DNAJC5: variants seen among roughly 807,000 people sequenced by gnomAD.
The protein encoded by DNAJC5 is dnaJ homolog subfamily C member 5.
In DNAJC5, 1 loss-of-function variant was observed where a neutral mutation model predicts 23.2. That is an observed-to-expected ratio of 0.04 (90% CI 0.02 to 0.20). DNAJC5 has a LOEUF of 0.20. DNAJC5 is among the 10% of genes least tolerant of loss of function. The pLI, the probability that DNAJC5 is intolerant of heterozygous loss-of-function variation, is 1.00. For missense variants in DNAJC5, 180 were observed against 267.0 expected, an observed-to-expected ratio of 0.67 and a Z score of 2.27; for synonymous variants, 136 against 120.0, an observed-to-expected ratio of 1.13 and a Z score of -0.87.
intron 1 of DNAJC5, among the ~76,000 whole-genome samples, chr20:63,903,865 C>A (rs1382907842): frequency 6.6e-6 from 1 of 152,050 alleles, no homozygotes; most frequent in Non-Finnish European, 1.5e-5. Flanking sequence ...GTGGATAGAT[C>A]TCTCGAGTTC....
Position 63,910,542 on chromosome 20 carries a change from C to T in DNAJC5, c.-12+15219C>T, listed in dbSNP as rs1279320597. ...TGGGCAACAGAGCGAGACTCCCTCT[C>T]GAAAAAAAAAAGTGATGTGCGCTTG... On this transcript the variant is annotated intron_variant, in intron 1 of 4. Transcript: ENST00000360864. Among the ~76,000 whole-genome samples the T allele has an allele frequency of 4.1e-5, 6 of 147,312 alleles. No homozygotes were observed. The South Asian group carries it at 8.6e-4, about 21-fold the overall frequency.
chr20:63,912,111 T>TG (rs1462074751), intron 1 of DNAJC5, among the ~76,000 whole-genome samples: 2 of 152,124 alleles, frequency 1.3e-5, no homozygotes, highest in African/African-American at 2.4e-5. Flanking sequence ...GAGTCCAACC[T>TG]GGCCAATATA....
chr20:63,897,177 T>C (rs2053381052), intron 1 of DNAJC5, among the ~76,000 whole-genome samples: 1 of 152,166 alleles, frequency 6.6e-6, no homozygotes, highest in Non-Finnish European at 1.5e-5. Flanking sequence ...GACGGATCAC[T>C]TGGAGTCAGG....
intron 1 of DNAJC5, among the ~76,000 whole-genome samples, chr20:63,924,943 A>G (rs2053600013): frequency 6.6e-6 from 1 of 152,230 alleles, no homozygotes; most frequent in Non-Finnish European, 1.5e-5. Context: ...CATGTACCGC[A>G]CTCAAGATCA....
At chr20:63,916,708 A>G (rs1352546599) in intron 1 of DNAJC5, among the ~76,000 whole-genome samples, 1 of 152,126 alleles carries the variant, frequency 6.6e-6, no homozygotes, top group Non-Finnish European at 1.5e-5. Context: ...ACCAGGGCGT[A>G]TTTCAGTCCT....
At chr20:63,925,294 G>A (rs1047157083) in intron 1 of DNAJC5, among the ~76,000 whole-genome samples, 1 of 152,130 alleles carries the variant, frequency 6.6e-6, no homozygotes, top group Non-Finnish European at 1.5e-5. Flanking sequence ...GACCATCCTG[G>A]TCAATGTGGT....
intron 1 of DNAJC5, among the ~76,000 whole-genome samples, chr20:63,925,121 T>C (rs1341214827): frequency 6.6e-6 from 1 of 152,072 alleles, no homozygotes; most frequent in African/African-American, 2.4e-5. Context: ...GGATGCGGAG[T>C]GCTTGCAGAG....
chr20:63,909,504 A>C (rs1284516277), intron 1 of DNAJC5, among the ~76,000 whole-genome samples: 1 of 151,982 alleles, frequency 6.6e-6, no homozygotes. Flanking sequence ...TTCCGTCTCA[A>C]AAACAACAAC....
Position 63,929,632 on chromosome 20 carries a change from A to G in DNAJC5, c.321+107A>G, listed in dbSNP as rs556799650. On this transcript the variant is annotated intron_variant, in intron 3 of 4. Transcript: ENST00000360864. The surrounding 1 kb of genome is among the most constrained non-coding windows in gnomAD (Gnocchi z 8.6). ...CCCGAGTCACTCCTGCCGTGCGGGC[A>G]CCCGAGTCTCTCCTGCCGTGCGGGC... 186 of 1,010,262 alleles carry G rather than the reference A, an allele frequency of 1.8e-4. 2 individuals carry two copies. In the East Asian group the frequency reaches 5.2e-3, roughly 28 times the overall value. The allele number at this position is 1,010,262 out of a possible 1,614,324, so 62.6% of individuals were successfully genotyped here.
intron 1 of DNAJC5, among the ~76,000 whole-genome samples, chr20:63,916,863 C>T (rs1434633007): frequency 6.6e-6 from 1 of 152,184 alleles, no homozygotes; most frequent in African/African-American, 2.4e-5. Flanking sequence ...CTTATAGGCT[C>T]TCTGCAAGAA....
intron 1 of DNAJC5, among the ~76,000 whole-genome samples, chr20:63,903,648 A>T (rs1263271766): frequency 4.6e-5 from 7 of 152,114 alleles, no homozygotes; most frequent in Non-Finnish European, 5.9e-5. Flanking sequence ...AGAAATTTTT[A>T]AAAAATTAAA....
Position 63,929,293 on chromosome 20 carries a change from A to G in DNAJC5, c.108-19A>G, listed in dbSNP as rs1422324350. On this transcript the variant is annotated intron_variant, in intron 2 of 4. Transcript: ENST00000360864. This position sits in a 1 kb window ranked among gnomAD's most constrained non-coding sequence, Gnocchi z 8.6. Reference sequence around the variant, plus strand: ...GAACAAAGTCCAGGGTAGAGCCAGGACATGGTTTTGGTTTGCAGGAAGCTT... The same window carrying G: ...GAACAAAGTCCAGGGTAGAGCCAGGGCATGGTTTTGGTTTGCAGGAAGCTT... The G allele has an allele frequency of 6.2e-7, 1 of 1,609,958 alleles. No homozygotes were observed. Among genetic ancestry groups the G allele is most frequent in the Non-Finnish European group, 8.5e-7 (1 of 1,178,342 alleles).
At chr20:63,900,529 A>G (rs190181600) in intron 1 of DNAJC5, among the ~76,000 whole-genome samples, 24 of 129,944 alleles carry the variant, frequency 1.8e-4, no homozygotes, top group African/African-American at 6.6e-4. Context: ...GCAAGCCATG[A>G]TTGCTCCACT....
In DNAJC5 at chr20:63,920,164, G is replaced by A. The variant is rs1435372168; in HGVS notation, c.-11-8171G>A. On this transcript the variant is annotated intron_variant, in intron 1 of 4. Transcript: ENST00000360864. The surrounding 1 kb of genome is among the most constrained non-coding windows in gnomAD (Gnocchi z 4.6). ...ACAGGACAGCGCCACGGAAGAGGAC[G>A]CACCCGGCTGTGTGGCAGGGGAGGT... Among the ~76,000 whole-genome samples, 3 of 152,200 alleles carry A rather than the reference G, an allele frequency of 2.0e-5. No homozygotes were observed. The highest frequency in any genetic ancestry group is 4.4e-5 in the Non-Finnish European group (3 of 68,036).
At chr20:63,905,713 G>A (rs2053444535) in intron 1 of DNAJC5, among the ~76,000 whole-genome samples, 1 of 151,676 alleles carries the variant, frequency 6.6e-6, no homozygotes, top group Non-Finnish European at 1.5e-5. Flanking sequence ...GGGATTATAG[G>A]GGCGTGCCAC....
At chr20:63,898,572 G>T (rs924412338) in intron 1 of DNAJC5, among the ~76,000 whole-genome samples, 1 of 151,978 alleles carries the variant, frequency 6.6e-6, no homozygotes, top group Non-Finnish European at 1.5e-5. Context: ...GGCCGGGCAC[G>T]GTGGCTCACA....
At chr20:63,904,068 C>T (rs2053431764) in intron 1 of DNAJC5, among the ~76,000 whole-genome samples, 1 of 152,062 alleles carries the variant, frequency 6.6e-6, no homozygotes, top group African/African-American at 2.4e-5. Flanking sequence ...ACCCCGTGTC[C>T]AAATAGCAAA....
At chr20:63,900,293 T>C (rs367550656) in intron 1 of DNAJC5, among the ~76,000 whole-genome samples, 2 of 151,948 alleles carry the variant, frequency 1.3e-5, no homozygotes, top group African/African-American at 4.8e-5. Flanking sequence ...CTCTGAAAAT[T>C]CTGGGCTGGT....
intron 3 of DNAJC5, among the ~76,000 whole-genome samples, chr20:63,930,473 G>A (rs917103469): frequency 1.3e-5 from 2 of 152,082 alleles, no homozygotes; most frequent in South Asian, 2.1e-4. Flanking sequence ...TCTGCCTCCC[G>A]AGTGGCTGGG....
Sources: allele counts gnomAD v4.1 joint callset (sites outside exome capture counted in the v4.1 genomes callset), GRCh38; gene constraint gnomAD v4.1.1; non-coding constraint Gnocchi (gnomAD v3.1); transcripts MANE v1.5; gene names NCBI Gene and HGNC (gene_info 2026-07-23, HGNC 2026-07-21).